PCDH15: variants seen among roughly 807,000 people sequenced by gnomAD.
PCDH15 encodes protocadherin related 15.
A neutral mutation model predicts 178.5 loss-of-function variants in PCDH15; 129 were observed. That is an observed-to-expected ratio of 0.72 (90% CI 0.63 to 0.84). The LOEUF is 0.84. PCDH15 is among the 40% of genes least tolerant of loss of function. PCDH15 has a pLI of 0.00. For missense variants in PCDH15, 2,230 were observed against 2,099.9 expected (o/e 1.06, Z -1.21); for synonymous variants, 800 against 732.0 (o/e 1.09, Z -1.50).
At chr10:54,467,289 A>G (rs1187831685) in intron 3 of PCDH15, among the ~76,000 whole-genome samples, 5 of 151,650 alleles carry the variant, frequency 3.3e-5, no homozygotes, top group South Asian at 2.1e-4. Flanking sequence ...GTTAGCTATG[A>G]GTTTTTCACA....
At chr10:54,014,106 A>G (rs1565012343) in intron 20 of PCDH15, among the ~76,000 whole-genome samples, 1 of 152,130 alleles carries the variant, frequency 6.6e-6, no homozygotes, top group Non-Finnish European at 1.5e-5. Context: ...GACCCCACAG[A>G]AATATAAAAG....
intron 2 of PCDH15, among the ~76,000 whole-genome samples, chr10:54,629,953 A>C (rs2093657649): frequency 6.6e-6 from 1 of 152,154 alleles, no homozygotes; most frequent in Admixed American, 6.6e-5. Flanking sequence ...AATAATGTTC[A>C]AGTTGGGAGC....
In PCDH15 at chr10:55,351,870, C is replaced by T. The variant is rs375041951; in HGVS notation, c.-155-185219G>A. ...CTCTGCGTGTTCCTGAATGTTAAGT[C>T]TCATTGCTCTCTTGTCAAAATTCCT... On this transcript the variant is annotated intron_variant, in intron 2 of 5. Transcript: ENST00000613346. Among the ~76,000 whole-genome samples the T allele has an allele frequency of 3.9e-5, 6 of 152,228 alleles. No individual in the cohort carries two copies. In the East Asian group the frequency reaches 7.7e-4, roughly 20 times the overall value.
intron 1 of PCDH15, among the ~76,000 whole-genome samples, chr10:54,736,892 T>C (rs72794585): frequency 0.11 from 16,203 of 152,068 alleles, 1,137 homozygotes; most frequent in Non-Finnish European, 0.16. Flanking sequence ...TGGCATCAGG[T>C]ATAACGAATC....
chr10:54,768,838 T>C (rs1026844398), intron 1 of PCDH15, among the ~76,000 whole-genome samples: 4 of 151,772 alleles, frequency 2.6e-5, no homozygotes, highest in Non-Finnish European at 4.4e-5. Context: ...TAAAGTGATC[T>C]GCATTAGCAC....
chr10:54,054,827 CT>C (rs2093851081), intron 18 of PCDH15, among the ~76,000 whole-genome samples: 1 of 149,116 alleles, frequency 6.7e-6, no homozygotes, highest in South Asian at 2.1e-4. Context: ...GGGCTTTTTT[CT>C]TTATCAGAAT....
intron 2 of PCDH15, among the ~76,000 whole-genome samples, chr10:55,080,952 G>T (rs1374193831): frequency 6.6e-6 from 1 of 152,122 alleles, no homozygotes; most frequent in Non-Finnish European, 1.5e-5. Flanking sequence ...GGAACCCATT[G>T]TTAGATAAAC....
intron 3 of PCDH15, chr10:54,864,882 CA>C (rs1224476363): frequency 2.0e-5 from 3 of 152,114 alleles, no homozygotes; most frequent in African/African-American, 7.2e-5. Flanking sequence ...CCCATTATTT[CA>C]AATACATTTT....
intron 16 of PCDH15, among the ~76,000 whole-genome samples, chr10:54,089,328 G>C (rs1041007865): frequency 6.6e-6 from 1 of 152,160 alleles, no homozygotes; most frequent in African/African-American, 2.4e-5. Flanking sequence ...AAATATCAGG[G>C]AAGAGCCAAG....
intron 2 of PCDH15, among the ~76,000 whole-genome samples, chr10:55,388,667 A>G (rs1436140221): frequency 6.6e-6 from 1 of 152,132 alleles, no homozygotes; most frequent in African/African-American, 2.4e-5. Context: ...ACTTATTGTT[A>G]ATCAAAAATC....
At chr10:54,969,999 A>G (rs930210354) in intron 2 of PCDH15, among the ~76,000 whole-genome samples, 5 of 152,316 alleles carry the variant, frequency 3.3e-5, no homozygotes, top group African/African-American at 1.2e-4. Context: ...TCCAAAATTC[A>G]TGCTGAAATG....
intron 2 of PCDH15, among the ~76,000 whole-genome samples, chr10:54,620,272 G>A (rs1203846199): frequency 6.6e-6 from 1 of 151,796 alleles, no homozygotes; most frequent in East Asian, 1.9e-4. Context: ...AGCATAATGG[G>A]AAAATTAGGC....
chr10:54,120,055 C>G (rs2095188805), intron 15 of PCDH15, among the ~76,000 whole-genome samples: 1 of 152,156 alleles, frequency 6.6e-6, no homozygotes, highest in South Asian at 2.1e-4. Flanking sequence ...CCCCATCAGG[C>G]TGAAGCAGAC....
chr10:55,372,423 C>T (rs943710962), intron 2 of PCDH15, among the ~76,000 whole-genome samples: 1 of 152,104 alleles, frequency 6.6e-6, no homozygotes, highest in Non-Finnish European at 1.5e-5. Flanking sequence ...ACAAAAACTA[C>T]TTTATAATCC....
intron 8 of PCDH15, among the ~76,000 whole-genome samples, chr10:54,240,822 G>A (rs1308592188): frequency 2.0e-5 from 3 of 151,564 alleles, no homozygotes; most frequent in Non-Finnish European, 4.4e-5. Context: ...TAGGAGAGAC[G>A]GGGTTTCACC....
intron 7 of PCDH15, among the ~76,000 whole-genome samples, chr10:54,321,380 A>G (rs1381951104): frequency 6.7e-6 from 1 of 150,076 alleles, no homozygotes; most frequent in Admixed American, 6.7e-5. Flanking sequence ...AATTAATCTA[A>G]ATTTAATTTA....
chr10:55,498,353 G>T (rs1840582601), intron 2 of PCDH15, among the ~76,000 whole-genome samples: 1 of 151,836 alleles, frequency 6.6e-6, no homozygotes, highest in African/African-American at 2.4e-5. Context: ...CTTGTAAAAT[G>T]ACTTGAAATT....
At chr10:55,366,289 G>A (rs1419853283) in intron 2 of PCDH15, 1 of 152,012 alleles carries the variant, frequency 6.6e-6, no homozygotes, top group African/African-American at 2.4e-5. Context: ...TTATAATAGA[G>A]TGATAACTTT....
intron 2 of PCDH15, among the ~76,000 whole-genome samples, chr10:55,594,539 ATAT>A (rs1199305225): frequency 1.3e-5 from 2 of 152,018 alleles, no homozygotes; most frequent in African/African-American, 2.4e-5. Flanking sequence ...AGAGACATAA[ATAT>A]TATACAGGTG....
Sources: gnomAD v4.1 joint callset for allele counts (sites outside exome capture counted in the v4.1 genomes callset) on GRCh38, gnomAD v4.1.1 for gene constraint, MANE v1.5 for transcripts, NCBI Gene and HGNC (gene_info 2026-07-23, HGNC 2026-07-21) for gene names.